The following WHAMM variants were observed in gnomAD, a reference collection of about 807,000 sequenced individuals.
WHAMM encodes the protein WASP homolog associated with actin, golgi membranes and microtubules, also known as WASP homolog-associated protein with actin, membranes and microtubules.
Under a neutral mutation model 76.5 loss-of-function variants are expected in WHAMM, and 67 were observed. The observed-to-expected ratio is 0.88, with a 90% CI of 0.72 to 1.07. The LOEUF is 1.07. Ranked by LOEUF, WHAMM falls within the 50% of genes least tolerant of loss-of-function variation. The pLI is 0.00. For synonymous variants in WHAMM, 419 were observed against 422.1 expected (o/e 0.99, Z 0.09); for missense variants, 1,021 against 1,051.1 (o/e 0.97, Z 0.40).
At chr15:82,820,794 C>T (rs550481562) in intron 5 of WHAMM, among the ~76,000 whole-genome samples, 3 of 150,838 alleles carry the variant, frequency 2.0e-5, no homozygotes, top group Admixed American at 1.3e-4. Context: ...ACCTGTGAGG[C>T]TGAGGCAGGA....
At position 82,833,665 on chromosome 15, in the gene WHAMM, C is replaced by A; in HGVS notation, c.*129C>A. 1 of 995,754 alleles carries A rather than the reference C, an allele frequency of 1.0e-6. No individual in the cohort carries two copies. 61.7% of individuals were successfully genotyped at this position (995,754 alleles called of 1,614,324 possible). On this transcript the variant is annotated 3_prime_UTR_variant, in exon 10 of 10. Transcript: ENST00000286760. ...ATAACACCCCGGAAGATCAGCAGGG[C>A]CTTGTGTAGGCTGCTGCAGCATTTT...
chr15:82,819,617 T>G (rs773132923), intron 5 of WHAMM, 129 bp downstream of exon 5: 51 of 477,194 alleles, frequency 1.1e-4, no homozygotes, highest in Non-Finnish European at 1.7e-4. Context: ...AGTGGTTTAT[T>G]ATTCAAATAA....
At chr15:82,811,609 G>A (rs1566990469) in intron 1 of WHAMM, among the ~76,000 whole-genome samples, 1 of 152,148 alleles carries the variant, frequency 6.6e-6, no homozygotes, top group African/African-American at 2.4e-5. Context: ...AAAATGAGGG[G>A]TTGGGAGAGG....
chr15:82,816,110 T>C (rs1042828271), intron 2 of WHAMM, among the ~76,000 whole-genome samples: 1 of 152,112 alleles, frequency 6.6e-6, no homozygotes, highest in African/African-American at 2.4e-5. Context: ...ATAAGGGCAT[T>C]AATCCCATTC....
Position 82,831,139 on chromosome 15 carries a change from A to G in WHAMM, c.2122+60A>G, listed in dbSNP as rs536122700. 1.8e-5 allele frequency: 27 copies of G among 1,541,988 alleles called. No individual in the cohort carries two copies. In the African/African-American group the frequency reaches 2.5e-4, roughly 14 times the overall value. ...AGTTGTTAAGCTGTTGAAGCATTCT[A>G]GCTTCAGAAGCCATCATCTTCAAAT... is the stretch of plus-strand genomic sequence containing the variant. On this transcript the variant is annotated intron_variant, in intron 9 of 9. Transcript: ENST00000286760.
At chr15:82,833,182 G>A in intron 9 of WHAMM, 47 bp from the exon 10 acceptor site, 1 of 1,563,888 alleles carries the variant, frequency 6.4e-7, no homozygotes, top group South Asian at 1.2e-5. Flanking sequence ...GTCCTGGGAA[G>A]GGAAAGTGTT....
chr15:82,817,069 G>A (rs2050739025), intron 3 of WHAMM, among the ~76,000 whole-genome samples: 1 of 152,208 alleles, frequency 6.6e-6, no homozygotes, highest in Admixed American at 6.5e-5. Context: ...GCACAAAGAA[G>A]AGAGACATGG....
Position 82,823,201 on chromosome 15 carries a change from G to A in WHAMM, c.1372G>A (p.Val458Met). The A allele has an allele frequency of 1.3e-6, 2 of 1,585,344 alleles. No individual in the cohort carries two copies. The highest frequency in any genetic ancestry group is 2.3e-5 in the East Asian group (1 of 43,916). Residue 458 changes from valine to methionine, a missense_variant, in exon 6 of 10, where the codon GTG becomes ATG. Val to Met is a conservative substitution (Grantham distance 21, BLOSUM62 1). Transcript: ENST00000286760. ...GCTGCAGGATGATAAGAATTTGGAA[G>A]TGAAAGAACTCAGAAGGCAGTGCCA... ...VGLQDDKNLEVKELRRQCQQL... is the reference protein window; with the variant it reads ...VGLQDDKNLEMKELRRQCQQL...
chr15:82,823,243 C>G lies in WHAMM; in HGVS notation c.1414C>G (p.Arg472Gly), dbSNP rs762550826. The change falls in exon 6 of 10, where the codon CGG (arginine) becomes GGG (glycine). Residue 472 changes from arginine to glycine, a missense_variant. Arg to Gly is a moderately radical substitution (Grantham distance 125). Transcript: ENST00000286760. The stretch of plus-strand genomic sequence containing the variant: ...GCAGTGCCAGCAGCTGGAGTCTAAA[C>G]GGGGCAGGATCTGTGCCAAAAGAGC... The part of the protein sequence containing the change: ...RRQCQQLESK[R>G]GRICAKRASL... The G allele has an allele frequency of 6.3e-7, 1 of 1,579,558 alleles. No individual in the cohort carries two copies. The highest frequency in any genetic ancestry group is 1.2e-5 in the South Asian group (1 of 84,850).
chr15:82,823,902 A>G (rs1210684985), intron 6 of WHAMM, among the ~76,000 whole-genome samples: 4 of 152,050 alleles, frequency 2.6e-5, no homozygotes, highest in Admixed American at 2.6e-4. Context: ...TAGAAACTCT[A>G]TTTCTAATAG....
At chr15:82,823,413 T>A in intron 6 of WHAMM, 126 bp downstream of exon 6, 1 of 757,852 alleles carries the variant, frequency 1.3e-6, no homozygotes, top group Non-Finnish European at 1.8e-6. Flanking sequence ...CTTATGTACT[T>A]ATCCATGGCT....
At chr15:82,824,960 C>G (rs574333668) in intron 6 of WHAMM, among the ~76,000 whole-genome samples, 1 of 152,062 alleles carries the variant, frequency 6.6e-6, no homozygotes, top group African/African-American at 2.4e-5. Context: ...AGTTCAAGAC[C>G]AGGGACAACA....
At chr15:82,832,115 A>C (rs1351937311) in intron 9 of WHAMM, among the ~76,000 whole-genome samples, 1 of 152,220 alleles carries the variant, frequency 6.6e-6, no homozygotes, top group Non-Finnish European at 1.5e-5. Flanking sequence ...GGACTTTGGA[A>C]GTGGGCAGAT....
At chr15:82,812,637 T>C (rs2151556131) in intron 1 of WHAMM, among the ~76,000 whole-genome samples, 1 of 152,344 alleles carries the variant, frequency 6.6e-6, no homozygotes, top group South Asian at 2.1e-4. Flanking sequence ...TTTCGCTGCA[T>C]ACTTAGTGCA....
At chr15:82,830,536 A>G (rs1378433820) in intron 8 of WHAMM, 63 bp from the exon 9 acceptor site, 1 of 1,559,200 alleles carries the variant, frequency 6.4e-7, no homozygotes, top group Non-Finnish European at 8.7e-7. Context: ...ATTTCTAGAA[A>G]GTTTCAGCAT....
At position 82,818,024 on chromosome 15, in the gene WHAMM, A is replaced by T. The variant is rs1566993187; in HGVS notation, c.1039A>T (p.Thr347Ser). 5 of 1,550,356 alleles carry T rather than the reference A, an allele frequency of 3.2e-6. No individual in the cohort carries two copies. The South Asian group carries it at 6.0e-5, about 18-fold the overall frequency. Residue 347 changes from threonine to serine, a missense_variant, in exon 4 of 10, where the codon ACT becomes TCT. Thr to Ser is a moderately conservative substitution (Grantham distance 58, BLOSUM62 1). This residue lies in a region of WHAMM where 501 missense variants were observed against 524.9 expected (regional missense o/e 0.95). Coordinates refer to ENST00000286760, the MANE Select transcript of WHAMM (RefSeq NM_001080435.3). ...ACTTCAGCTAATGCTAGCTCGAGAG[A>T]CTCTGCAACTCATGAGAGCGAAAGA... is the stretch of plus-strand genomic sequence containing the variant. ...EKLQLMLARE[T>S]LQLMRAKELC...
chr15:82,819,543 A>G, intron 5 of WHAMM, 55 bp downstream of exon 5: 1 of 921,500 alleles, frequency 1.1e-6, no homozygotes, highest in Non-Finnish European at 1.5e-6. Context: ...AAGGAAATAC[A>G]GACCATATTA....
At chr15:82,828,789 A>G (rs2050980198) in intron 8 of WHAMM, among the ~76,000 whole-genome samples, 1 of 152,230 alleles carries the variant, frequency 6.6e-6, no homozygotes, top group Non-Finnish European at 1.5e-5. Context: ...TCTAGTCCAA[A>G]AAAGCCCATA....
chr15:82,815,151 AT>A (rs1337468191), intron 2 of WHAMM, among the ~76,000 whole-genome samples: 5,188 of 33,204 alleles, frequency 0.16, 414 homozygotes, highest in African/African-American at 0.19. Context: ...ATATATATAT[AT>A]ATAGTACAAT....
Sources: gnomAD v4.1 joint callset for allele counts (sites outside exome capture counted in the v4.1 genomes callset) on GRCh38, gnomAD v4.1.1 for gene constraint, gnomAD v4.1.1 regional missense constraint, MANE v1.5 for transcripts, NCBI Gene and HGNC (gene_info 2026-07-23, HGNC 2026-07-21) for gene names.